SMAD3: variants seen among roughly 807,000 people sequenced by gnomAD.
SMAD3 encodes the protein SMAD family member 3.
SMAD3 carries 12 observed loss-of-function variants against 51.8 expected under a neutral mutation model. The observed-to-expected ratio is 0.23, with a 90% CI of 0.15 to 0.38. The LOEUF (loss-of-function observed/expected upper bound fraction) is 0.38, where lower values mean the gene tolerates loss of function less well. Ranked by LOEUF, SMAD3 falls within the 10% of genes least tolerant of loss-of-function variation. The pLI, the probability that SMAD3 is intolerant of heterozygous loss-of-function variation, is 1.00. For missense variants in SMAD3, 294 were observed against 565.6 expected, an observed-to-expected ratio of 0.52 and a Z score of 4.87; for synonymous variants, 238 against 227.7, an observed-to-expected ratio of 1.05 and a Z score of -0.41.
At chr15:67,164,829 C>T (rs192580327) in intron 1 of SMAD3, 66 bp from the exon 2 acceptor site, 22 of 1,535,880 alleles carry the variant, frequency 1.4e-5, no homozygotes, top group East Asian at 2.2e-5. Context: ...AGTAGGAGGC[C>T]GGACTCTGCA....
intron 1 of SMAD3, among the ~76,000 whole-genome samples, chr15:67,122,109 G>A (rs1469230453): frequency 6.6e-6 from 1 of 152,238 alleles, no homozygotes; most frequent in Non-Finnish European, 1.5e-5. Flanking sequence ...GGTAGCACTG[G>A]TCTAAGGTCC....
Position 67,176,657 on chromosome 15 carries a change from C to T in SMAD3, c.659-4584C>T, listed in dbSNP as rs36123155. ...TTTCTTTTTCTTAAACATAATGGAACGTCTGTGCCAGCTTGGAACAGGACT... is the reference window on the plus strand; with the variant it reads ...TTTCTTTTTCTTAAACATAATGGAATGTCTGTGCCAGCTTGGAACAGGACT... On this transcript the variant is annotated intron_variant, in intron 5 of 8. Transcript: ENST00000327367. 5.2e-3 allele frequency among the ~76,000 whole-genome samples: 795 copies of T among 152,310 alleles called. 9 individuals are homozygous for T. The highest frequency in any genetic ancestry group is 0.029 in the South Asian group (140 of 4,832).
At chr15:67,174,794 A>G (rs1298384876) in intron 5 of SMAD3, among the ~76,000 whole-genome samples, 1 of 152,230 alleles carries the variant, frequency 6.6e-6, no homozygotes, top group African/African-American at 2.4e-5. Flanking sequence ...AAATTACTGT[A>G]CAAAAAGAAA....
At chr15:67,131,968 C>G (rs1234951843) in intron 1 of SMAD3, among the ~76,000 whole-genome samples, 7 of 152,110 alleles carry the variant, frequency 4.6e-5, no homozygotes, top group African/African-American at 1.7e-4. Context: ...TCCAATCTCC[C>G]CCTTCTGTCT....
chr15:67,114,112 T>TGTGCCCTTGCCCTGAGAGATGGCC (rs1961083937), intron 1 of SMAD3, among the ~76,000 whole-genome samples: 2 of 152,306 alleles, frequency 1.3e-5, no homozygotes, highest in East Asian at 3.9e-4. Context: ...GGTGGGGTTG[T>TGTGCCCTTGCCCTGAGAGATGGCC]GTGCCCTTGC....
At chr15:67,081,773 C>T (rs6494629) in intron 1 of SMAD3, among the ~76,000 whole-genome samples, 79,687 of 151,734 alleles carry the variant, frequency 0.53, 21,173 homozygotes, top group South Asian at 0.72. Flanking sequence ...AAACCTTCCC[C>T]GGGAGCCTCC....
rs542444379 is a variant in SMAD3, at chr15:67,078,242, G to A, written c.206+11882G>A. ...TGGATACCTTGGGAAACTAAGTGGG[G>A]TGTTGCTGGCCTCCATGCAGATGCC... On this transcript the variant is annotated intron_variant, in intron 1 of 8. Transcript: ENST00000327367. Among the ~76,000 whole-genome samples the A allele has an allele frequency of 7.2e-5, 11 of 152,344 alleles. No individual in the cohort carries two copies. The East Asian group carries it at 2.1e-3, about 29-fold the overall frequency.
At chr15:67,143,462 T>TCTCACCCTGTAG (rs1429498634) in intron 1 of SMAD3, among the ~76,000 whole-genome samples, 10 of 152,160 alleles carry the variant, frequency 6.6e-5, no homozygotes, top group Non-Finnish European at 1.3e-4. Flanking sequence ...GGAGGCAGAG[T>TCTCACCCTGTAG]CTCACCCTGT....
chr15:67,149,113 G>A (rs972856240), intron 1 of SMAD3, among the ~76,000 whole-genome samples: 5 of 152,212 alleles, frequency 3.3e-5, no homozygotes, highest in African/African-American at 1.2e-4. Context: ...GAGCCACAGA[G>A]TGGGTTACTG....
Position 67,165,022 on chromosome 15 carries a change from G to C in SMAD3, c.334G>C (p.Ala112Pro). Reference sequence around the variant, plus strand: ...ACGGGCCATGGAGCTGTGTGAGTTCGCCTTCAATATGAAGAAGGACGAGGT... The same window carrying C: ...ACGGGCCATGGAGCTGTGTGAGTTCCCCTTCAATATGAAGAAGGACGAGGT... ...ELRAMELCEF[A>P]FNMKKDEVCV... The change falls in exon 2 of 9, where the codon GCC (alanine) becomes CCC (proline). Residue 112 changes from alanine (A) to proline (P), a missense_variant. By Grantham distance (27) the Ala-to-Pro change is conservative. Transcript: ENST00000327367. The C allele has an allele frequency of 6.2e-7, 1 of 1,614,132 alleles. No homozygotes were observed. The highest frequency in any genetic ancestry group is 8.5e-7 in the Non-Finnish European group (1 of 1,180,026).
chr15:67,092,023 G>A (rs1960519402), intron 1 of SMAD3, among the ~76,000 whole-genome samples: 1 of 152,198 alleles, frequency 6.6e-6, no homozygotes, highest in Non-Finnish European at 1.5e-5. Flanking sequence ...CCTGTCTAGA[G>A]CAGTTGCAGC....
intron 1 of SMAD3, among the ~76,000 whole-genome samples, chr15:67,137,021 C>A (rs1017501280): frequency 3.9e-5 from 6 of 152,210 alleles, no homozygotes; most frequent in Non-Finnish European, 8.8e-5. Flanking sequence ...GTTCATCAGG[C>A]TGGGGTCTGA....
chr15:67,149,258 G>A lies in SMAD3; in HGVS notation c.207-15637G>A, dbSNP rs529964763. On this transcript the variant is annotated intron_variant, in intron 1 of 8. Transcript: ENST00000327367. Reference sequence around the variant, plus strand: ...GCAACATTTTACCTCCACTACTTGGGCCTGTTCAGCATTTTGAGTTTCTAT... The same window carrying A: ...GCAACATTTTACCTCCACTACTTGGACCTGTTCAGCATTTTGAGTTTCTAT... Among the ~76,000 whole-genome samples, 5 of 152,272 alleles carry A rather than the reference G, an allele frequency of 3.3e-5. No individual in the cohort carries two copies. In the South Asian group the frequency reaches 8.3e-4, roughly 25 times the overall value.
chr15:67,104,646 G>A (rs527862453), intron 1 of SMAD3, among the ~76,000 whole-genome samples: 3 of 152,236 alleles, frequency 2.0e-5, no homozygotes, highest in Non-Finnish European at 4.4e-5. Context: ...GATAACTTTG[G>A]CAAAGGGCTT....
chr15:67,112,471 A>G (rs1961040966), intron 1 of SMAD3, among the ~76,000 whole-genome samples: 1 of 132,502 alleles, frequency 7.5e-6, no homozygotes, highest in Non-Finnish European at 1.6e-5. Context: ...AGCCATTTCT[A>G]ATTGGGTTGT....
chr15:67,184,780 A>G lies in SMAD3; in HGVS notation c.925A>G (p.Ser309Gly), dbSNP rs754409301. The change falls in exon 7 of 9, where the codon AGT becomes GGT. Residue 309 changes from serine to glycine, a missense_variant. By Grantham distance (56) the Ser-to-Gly change is moderately conservative. Transcript: ENST00000327367. ...IGGEVFAECL[S>G]DSAIFVQSPN... Reference sequence around the variant, plus strand: ...AGGGGAGGTCTTCGCAGAGTGCCTCAGTGACAGCGCTATTTTTGTCCAGTC... The same window carrying G: ...AGGGGAGGTCTTCGCAGAGTGCCTCGGTGACAGCGCTATTTTTGTCCAGTC... 1.9e-6 allele frequency: 3 copies of G among 1,614,018 alleles called. No individual in the cohort carries two copies. Among genetic ancestry groups the G allele is most frequent in the Non-Finnish European group, 2.5e-6 (3 of 1,180,018 alleles).
intron 1 of SMAD3, among the ~76,000 whole-genome samples, chr15:67,100,499 C>A (rs1312698529): frequency 6.6e-6 from 1 of 151,806 alleles, no homozygotes; most frequent in East Asian, 1.9e-4. Flanking sequence ...ATTAAAATGG[C>A]TAACATGGTA....
intron 1 of SMAD3, among the ~76,000 whole-genome samples, chr15:67,139,295 C>T (rs1183616007): frequency 3.3e-5 from 5 of 152,084 alleles, no homozygotes; most frequent in Non-Finnish European, 2.9e-5. Flanking sequence ...TATCTCGTTG[C>T]GTCAGGTTTT....
chr15:67,080,779 C>T (rs1000061439), intron 1 of SMAD3, among the ~76,000 whole-genome samples: 2 of 152,348 alleles, frequency 1.3e-5, no homozygotes, highest in South Asian at 4.1e-4. Flanking sequence ...GCACGTGGCC[C>T]CGAATAACCC....
Sources: gnomAD v4.1 joint callset for allele counts (sites outside exome capture counted in the v4.1 genomes callset) on GRCh38, gnomAD v4.1.1 for gene constraint, MANE v1.5 for transcripts, NCBI Gene and HGNC (gene_info 2026-07-23, HGNC 2026-07-21) for gene names.